The following LPXN variants were observed in gnomAD, a reference collection of about 807,000 sequenced individuals.
LPXN encodes the protein leupaxin.
A neutral mutation model predicts 45.6 loss-of-function variants in LPXN; 28 were observed. That is an observed-to-expected ratio of 0.61 (90% CI 0.45 to 0.84). The LOEUF (loss-of-function observed/expected upper bound fraction) is 0.84. Ranked by LOEUF, LPXN falls within the 40% of genes least tolerant of loss-of-function variation. The probability of loss-of-function intolerance (pLI) is 0.00; values close to 1 mark genes in which losing one functional copy is unlikely to be tolerated. For missense variants in LPXN, 459 were observed against 475.0 expected (o/e 0.97, Z 0.31); for synonymous variants, 166 against 169.9 (o/e 0.98, Z 0.18).
At chr11:58,556,275 G>T (rs1174707756) in intron 3 of LPXN, among the ~76,000 whole-genome samples, 2 of 151,766 alleles carry the variant, frequency 1.3e-5, no homozygotes, top group Admixed American at 6.6e-5. Context: ...ACAAATAGGA[G>T]AAAAGCTTTA....
intron 7 of LPXN, among the ~76,000 whole-genome samples, chr11:58,541,085 C>T (rs1429547611): frequency 6.6e-6 from 1 of 152,000 alleles, no homozygotes; most frequent in African/African-American, 2.4e-5. Flanking sequence ...CCATAAAAAC[C>T]CTAGAAGAAA....
intron 7 of LPXN, among the ~76,000 whole-genome samples, chr11:58,537,855 C>T (rs58590830): frequency 2.0e-5 from 3 of 150,886 alleles, no homozygotes; most frequent in South Asian, 2.1e-4. Context: ...ATGTGCCATG[C>T]TGGTGTGCTG....
At chr11:58,556,504 A>C (rs1854208321) in intron 3 of LPXN, among the ~76,000 whole-genome samples, 1 of 152,244 alleles carries the variant, frequency 6.6e-6, no homozygotes, top group East Asian at 1.9e-4. Context: ...ATTCTAGAAT[A>C]CATTATCAAA....
At chr11:58,550,958 T>G (rs1590554799) in intron 5 of LPXN, 107 bp downstream of exon 5, 1 of 1,098,478 alleles carries the variant, frequency 9.1e-7, no homozygotes, top group East Asian at 3.0e-5. Flanking sequence ...GATTAGTAAT[T>G]ATTAATGCTA....
chr11:58,540,910 G>GTCA (rs1853697827), intron 7 of LPXN, among the ~76,000 whole-genome samples: 2 of 152,032 alleles, frequency 1.3e-5, no homozygotes, highest in Non-Finnish European at 2.9e-5. Context: ...TCTGATCTTT[G>GTCA]ACAAACCTGA....
At chr11:58,561,014 G>T (rs930311374) in intron 3 of LPXN, among the ~76,000 whole-genome samples, 3 of 152,082 alleles carry the variant, frequency 2.0e-5, no homozygotes, top group African/African-American at 7.2e-5. Context: ...AAATCACCGG[G>T]CCAAAAGGTA....
intron 7 of LPXN, among the ~76,000 whole-genome samples, chr11:58,537,319 T>TAAAATACAGCCATAAAA (rs1295701096): frequency 6.6e-6 from 1 of 152,172 alleles, no homozygotes; most frequent in Non-Finnish European, 1.5e-5. Context: ...CACCATGGAA[T>TAAAATACAGCCATAAAA]AAAATACAGC....
chr11:58,557,357 TACACAACAG>T (rs1388585124), intron 3 of LPXN, among the ~76,000 whole-genome samples: 5 of 152,160 alleles, frequency 3.3e-5, no homozygotes, highest in Non-Finnish European at 7.4e-5. Flanking sequence ...TATGCACACA[TACACAACAG>T]AATATTAGTG....
At chr11:58,578,476 G>A (rs894274327), upstream of LPXN, among the ~76,000 whole-genome samples, 5 of 152,160 alleles carry the variant, frequency 3.3e-5, no homozygotes, top group African/African-American at 1.2e-4. Context: ...CCCCGCCTCC[G>A]TTTTGCCGCC....
At chr11:58,567,419 A>C (rs145132856) in intron 2 of LPXN, among the ~76,000 whole-genome samples, 16 of 152,346 alleles carry the variant, frequency 1.1e-4, no homozygotes, top group African/African-American at 3.8e-4. Flanking sequence ...GAGACCTCTA[A>C]GGAAATTATT....
intron 1 of LPXN, among the ~76,000 whole-genome samples, chr11:58,575,484 G>GT (rs1415422188): frequency 1.3e-5 from 2 of 152,182 alleles, no homozygotes; most frequent in Non-Finnish European, 2.9e-5. Context: ...AACAACTGCA[G>GT]TAACAATCCA....
chr11:58,568,884 G>A (rs989977256), intron 2 of LPXN, among the ~76,000 whole-genome samples: 1 of 152,130 alleles, frequency 6.6e-6, no homozygotes, highest in African/African-American at 2.4e-5. Flanking sequence ...CAAATGAGAT[G>A]GGAGTCATTT....
At chr11:58,541,934 T>G (rs1462366139) in intron 7 of LPXN, among the ~76,000 whole-genome samples, 4 of 150,928 alleles carry the variant, frequency 2.7e-5, no homozygotes, top group Middle Eastern at 3.4e-3. Flanking sequence ...GTAAACTATC[T>G]CAAGGACAAA....
intron 4 of LPXN, among the ~76,000 whole-genome samples, chr11:58,554,503 A>G (rs1854144872): frequency 6.6e-6 from 1 of 152,000 alleles, no homozygotes; most frequent in Non-Finnish European, 1.5e-5. Context: ...ATCTCTCTAT[A>G]TCCGTAATGT....
At chr11:58,573,759 C>T (rs1854788208) in intron 1 of LPXN, among the ~76,000 whole-genome samples, 1 of 152,104 alleles carries the variant, frequency 6.6e-6, no homozygotes, top group African/African-American at 2.4e-5. Flanking sequence ...CTGAAGACTC[C>T]ATAATTCTTC....
chr11:58,541,596 T>C (rs959033422), intron 7 of LPXN, among the ~76,000 whole-genome samples: 2 of 150,140 alleles, frequency 1.3e-5, no homozygotes, highest in Admixed American at 6.6e-5. Context: ...TTGGTGGGAC[T>C]GTAAACTAGT....
chr11:58,572,397 G>C (rs181973335), intron 1 of LPXN, among the ~76,000 whole-genome samples: 1 of 151,464 alleles, frequency 6.6e-6, no homozygotes, highest in Non-Finnish European at 1.5e-5. Flanking sequence ...CTAAACTCTC[G>C]GGCAAATGAA....
intron 7 of LPXN, among the ~76,000 whole-genome samples, chr11:58,533,249 G>GA (rs1281606292): frequency 1.3e-5 from 2 of 152,098 alleles, no homozygotes; most frequent in East Asian, 3.9e-4. Context: ...CAAAATGAAG[G>GA]AAAAAATGTT....
intron 7 of LPXN, among the ~76,000 whole-genome samples, chr11:58,536,704 T>G (rs934843983): frequency 6.6e-6 from 1 of 152,004 alleles, no homozygotes; most frequent in African/African-American, 2.4e-5. Flanking sequence ...AAATAAACTA[T>G]CATCAGAGTG....
Sources: allele counts gnomAD v4.1 joint callset (sites outside exome capture counted in the v4.1 genomes callset), GRCh38; gene constraint gnomAD v4.1.1; transcripts MANE v1.5; gene names NCBI Gene and HGNC (gene_info 2026-07-23, HGNC 2026-07-21).